The following TENM1 variants were observed in gnomAD, a reference collection of about 807,000 sequenced individuals.
The protein encoded by TENM1 is teneurin-1.
A neutral mutation model predicts 174.8 loss-of-function variants in TENM1; 35 were observed. That is an observed-to-expected ratio of 0.20 (90% CI 0.15 to 0.27). TENM1 has a LOEUF of 0.27. Among genes scored for constraint, TENM1 ranks in the 10% least tolerant of loss-of-function variants. The pLI, the probability that TENM1 is intolerant of heterozygous loss-of-function variation, is 1.00. For synonymous variants in TENM1, 781 were observed against 798.7 expected (o/e 0.98, Z 0.37); for missense variants, 1,633 against 2,130.1 (o/e 0.77, Z 4.59).
intron 3 of TENM1, among the ~76,000 whole-genome samples, chrX:124,777,494 T>A (rs2054812415): frequency 1.8e-5 from 2 of 111,918 alleles, no homozygotes. Flanking sequence ...CCTTTTTGAC[T>A]TTGAAGAATT....
intron 3 of TENM1, among the ~76,000 whole-genome samples, chrX:124,850,108 T>C (rs2056690125): frequency 1.8e-5 from 2 of 111,869 alleles, no homozygotes; most frequent in Non-Finnish European, 3.8e-5. Flanking sequence ...ACCCAAAGCC[T>C]GTGTTTAATG....
At chrX:124,723,603 G>GTTTTTTTTTTTTTTT (rs1198093791) in intron 4 of TENM1, among the ~76,000 whole-genome samples, 1 of 74,941 alleles carries the variant, frequency 1.3e-5, no homozygotes, top group Non-Finnish European at 2.5e-5. Flanking sequence ...TTTTTTTTTT[G>GTTTTTTTTTTTTTTT]TTTTTTTTTT....
rs185042532 is a variant in TENM1 at position 124,777,024 on chromosome X, C to T, written c.536-39827G>A. Among the ~76,000 whole-genome samples the T allele has an allele frequency of 5.8e-3, 638 of 110,924 alleles. 2 individuals carry two copies. Among genetic ancestry groups the T allele is most frequent in the Middle Eastern group, 0.014 (3 of 213 alleles). On this transcript the variant is annotated intron_variant, in intron 3 of 31. Transcript: ENST00000422452. ...TTTTGGTTTTTGTATCTTGGGTTTC[C>T]GCTTAAAATATTGCTTTAAGAAAGG...
chrX:124,935,722 G>T (rs920752725), intron 1 of TENM1, among the ~76,000 whole-genome samples: 8 of 112,507 alleles, frequency 7.1e-5, no homozygotes, highest in Non-Finnish European at 1.3e-4. Flanking sequence ...GCTGGTAAAT[G>T]CAACTGCCTA....
chrX:124,879,504 T>C (rs888914355), intron 3 of TENM1, among the ~76,000 whole-genome samples: 29 of 112,345 alleles, frequency 2.6e-4, no homozygotes, highest in African/African-American at 9.4e-4. Context: ...CACATTTTCT[T>C]TATCCACTCA....
At chrX:125,031,131 C>T in the TENM1 span, among the ~76,000 whole-genome samples, 2 of 109,770 alleles carry the variant, frequency 1.8e-5, no homozygotes, top group Non-Finnish European at 1.9e-5. Flanking sequence ...TCTAAGTAGT[C>T]CCCAGTGTCC....
the TENM1 span, among the ~76,000 whole-genome samples, chrX:125,166,198 G>A: frequency 9.0e-6 from 1 of 111,386 alleles, no homozygotes; most frequent in African/African-American, 3.3e-5. Flanking sequence ...TAAGAATGCT[G>A]TGTTCACACT....
the TENM1 span, among the ~76,000 whole-genome samples, chrX:124,977,939 A>AGTGTGTGTGTGTGTGTGT: frequency 5.4e-5 from 3 of 55,767 alleles, no homozygotes; most frequent in Non-Finnish European, 1.0e-4. Flanking sequence ...GGCTCTGTTT[A>AGTGTGTGTGTGTGTGTGT]GTGTGTGTGT....
chrX:124,477,515 T>C (rs1390887722), intron 22 of TENM1, among the ~76,000 whole-genome samples: 1 of 111,320 alleles, frequency 9.0e-6, no homozygotes, highest in African/African-American at 3.2e-5. Flanking sequence ...AAGTAAAGTG[T>C]GGCCGAGGTG....
At chrX:124,788,622 G>GC (rs772114516) in intron 3 of TENM1, among the ~76,000 whole-genome samples, 58 of 112,810 alleles carry the variant, frequency 5.1e-4, no homozygotes, top group African/African-American at 1.8e-3. Flanking sequence ...CAGGCCCCAT[G>GC]CAAGTTTGAA....
intron 3 of TENM1, among the ~76,000 whole-genome samples, chrX:124,740,044 A>C (rs1368868949): frequency 8.9e-6 from 1 of 111,979 alleles, no homozygotes; most frequent in East Asian, 2.8e-4. Flanking sequence ...AAGGTGCTTA[A>C]AATGATGCCC....
chrX:124,649,586 T>C (rs145900809), intron 8 of TENM1, among the ~76,000 whole-genome samples: 1,348 of 112,380 alleles, frequency 0.012, 9 homozygotes, highest in South Asian at 0.023. Context: ...ATTCCATAAA[T>C]GCTATCTATT....
the TENM1 span, among the ~76,000 whole-genome samples, chrX:125,104,330 A>AT: frequency 8.9e-6 from 1 of 112,258 alleles, no homozygotes; most frequent in Non-Finnish European, 1.9e-5. Flanking sequence ...AGGTCTGTAA[A>AT]TATGAGTTCA....
At chrX:124,958,958 T>TAA (rs1213447557) in intron 1 of TENM1, among the ~76,000 whole-genome samples, 2 of 110,998 alleles carry the variant, frequency 1.8e-5, no homozygotes, top group Non-Finnish European at 3.8e-5. Flanking sequence ...TTAAAAGGCA[T>TAA]CTAGTACCGT....
intron 15 of TENM1, among the ~76,000 whole-genome samples, chrX:124,544,462 A>G (rs1188602754): frequency 1.8e-5 from 2 of 112,528 alleles, no homozygotes; most frequent in Non-Finnish European, 3.8e-5. Flanking sequence ...TAAATAACAC[A>G]TGTAAAAGTT....
chrX:124,384,654 C>T (rs762268970), exon 30 of TENM1: 1 of 1,209,757 alleles, frequency 8.3e-7, no homozygotes, highest in East Asian at 3.0e-5. Context: ...TGATTTAAAT[C>T]GTAATTAATT....
chrX:125,102,744 C>T, the TENM1 span, among the ~76,000 whole-genome samples: 5 of 112,397 alleles, frequency 4.4e-5, no homozygotes, highest in Admixed American at 1.9e-4. Context: ...GAATTCTTAA[C>T]GGGAATTTAG....
intron 11 of TENM1, among the ~76,000 whole-genome samples, chrX:124,574,266 C>A (rs2049117796): frequency 9.0e-6 from 1 of 111,256 alleles, no homozygotes; most frequent in African/African-American, 3.3e-5. Context: ...TCCTTCAGAG[C>A]CTCCCTCAGA....
At chrX:124,656,952 T>A (rs2051460412) in intron 6 of TENM1, among the ~76,000 whole-genome samples, 1 of 105,093 alleles carries the variant, frequency 9.5e-6, no homozygotes, top group Non-Finnish European at 2.0e-5. Flanking sequence ...TGTCTCCAGT[T>A]AAAAAAAAAA....
Sources: allele counts gnomAD v4.1 joint callset (sites outside exome capture counted in the v4.1 genomes callset), GRCh38; gene constraint gnomAD v4.1.1; transcripts MANE v1.5; gene names NCBI Gene and HGNC (gene_info 2026-07-23, HGNC 2026-07-21).